DYTN: variants seen among roughly 807,000 people sequenced by gnomAD.
DYTN encodes dystrotelin.
Under a neutral mutation model 69.6 loss-of-function variants are expected in DYTN, and 75 were observed. That is an observed-to-expected ratio of 1.08 (90% CI 0.89 to 1.31). DYTN has a LOEUF of 1.31. Ranked by LOEUF, DYTN falls within the 50% of genes most tolerant of loss-of-function variation. The pLI is 0.00. For synonymous variants in DYTN, 252 were observed against 249.1 expected, an observed-to-expected ratio of 1.01 and a Z score of -0.11; for missense variants, 726 against 688.4, an observed-to-expected ratio of 1.05 and a Z score of -0.61.
chr2:206,660,523 C>T (rs923828457), intron 11 of DYTN, among the ~76,000 whole-genome samples: 10 of 152,172 alleles, frequency 6.6e-5, no homozygotes, highest in South Asian at 2.1e-4. Flanking sequence ...AACATGAATA[C>T]GCTAAAGACT....
intron 9 of DYTN, among the ~76,000 whole-genome samples, chr2:206,675,945 G>C (rs1349596913): frequency 1.3e-5 from 2 of 152,184 alleles, no homozygotes; most frequent in Non-Finnish European, 2.9e-5. Context: ...TGCTGGTGAG[G>C]TTGTGGAGAA....
chr2:206,652,178 T>C (rs1164581688), intron 11 of DYTN, among the ~76,000 whole-genome samples: 1 of 152,200 alleles, frequency 6.6e-6, no homozygotes, highest in African/African-American at 2.4e-5. Context: ...GAAAGCCCAC[T>C]ATTGAGCAGT....
At chr2:206,663,714 G>C (rs1318874609) in intron 10 of DYTN, among the ~76,000 whole-genome samples, 1 of 152,148 alleles carries the variant, frequency 6.6e-6, no homozygotes, top group Non-Finnish European at 1.5e-5. Context: ...AGCATATGTT[G>C]AATTGACAGA....
intron 9 of DYTN, among the ~76,000 whole-genome samples, chr2:206,678,618 T>C (rs1699717296): frequency 6.6e-6 from 1 of 152,216 alleles, no homozygotes; most frequent in African/African-American, 2.4e-5. Flanking sequence ...TTAAGATGTT[T>C]TTTGAAGAAT....
At chr2:206,675,799 G>A (rs1699680518) in intron 9 of DYTN, among the ~76,000 whole-genome samples, 1 of 152,158 alleles carries the variant, frequency 6.6e-6, no homozygotes, top group South Asian at 2.1e-4. Context: ...CTCAAAAGAA[G>A]ACATTTATGT....
In DYTN at chr2:206,701,861, C is replaced by T. The variant is rs565692928; in HGVS notation, c.484-1645G>A. ...TAATTTGATTGTGTTAATCTTTATGCAGTGTATATCTATCTCAAAACATCA... is the reference window on the plus strand; with the variant it reads ...TAATTTGATTGTGTTAATCTTTATGTAGTGTATATCTATCTCAAAACATCA... On this transcript the variant is annotated intron_variant, in intron 5 of 11. Coordinates refer to ENST00000452335, the MANE Select transcript of DYTN (RefSeq NM_001093730.1). Among the ~76,000 whole-genome samples, 65 of 152,256 alleles carry T rather than the reference C, an allele frequency of 4.3e-4. 1 individual carries two copies. In the South Asian group the frequency reaches 0.013, roughly 32 times the overall value.
chr2:206,662,897 C>T lies in DYTN; in HGVS notation c.1633+6G>A, dbSNP rs1373446602. The stretch of plus-strand genomic sequence containing the variant: ...TCACGATGTCTATGGATTGTGAAAA[C>T]CTTACCTGATGGCGTTTCTAGATTG... On this transcript the variant is annotated splice_donor_region_variant and intron_variant, in intron 11 of 11. Transcript: ENST00000452335. The T allele has an allele frequency of 6.2e-7, 1 of 1,608,502 alleles. No individual in the cohort carries two copies. Among genetic ancestry groups the T allele is most frequent in the Non-Finnish European group, 8.5e-7 (1 of 1,177,874 alleles).
At chr2:206,664,484 C>T (rs1699546050) in intron 10 of DYTN, among the ~76,000 whole-genome samples, 1 of 151,894 alleles carries the variant, frequency 6.6e-6, no homozygotes, top group Non-Finnish European at 1.5e-5. Context: ...TAGTGAGACC[C>T]CCTCCCTACA....
chr2:206,658,503 G>A (rs1699473255), intron 11 of DYTN, among the ~76,000 whole-genome samples: 1 of 151,752 alleles, frequency 6.6e-6, no homozygotes, highest in African/African-American at 2.4e-5. Context: ...GAGATTCTCG[G>A]GGGCTGTTCA....
chr2:206,714,081 C>G (rs182545547), intron 1 of DYTN, among the ~76,000 whole-genome samples: 3 of 152,210 alleles, frequency 2.0e-5, no homozygotes, highest in Non-Finnish European at 2.9e-5. Context: ...CTCGTTCTTG[C>G]AGCAAGGGGA....
chr2:206,713,728 A>G (rs906262204), intron 1 of DYTN, among the ~76,000 whole-genome samples: 1 of 152,212 alleles, frequency 6.6e-6, no homozygotes, highest in African/African-American at 2.4e-5. Context: ...TTCCGGTGAT[A>G]ACAAATTCCA....
intron 11 of DYTN, among the ~76,000 whole-genome samples, chr2:206,652,302 T>C (rs1346769600): frequency 6.6e-6 from 1 of 152,184 alleles, no homozygotes; most frequent in African/African-American, 2.4e-5. Context: ...TGAGCATTTA[T>C]ATTTATTGTT....
rs190252373 is a variant in DYTN at position 206,669,023 on chromosome 2, A to G, written c.981-2994T>C. On this transcript the variant is annotated intron_variant, in intron 9 of 11. Coordinates refer to ENST00000452335, the MANE Select transcript of DYTN (RefSeq NM_001093730.1). ...TGAGTCAATTAAACCTGTTTGCTTT[A>G]TAAATTACCCAGTCTCAGGCGTTTC... Among the ~76,000 whole-genome samples the G allele has an allele frequency of 4.8e-4, 73 of 152,362 alleles. 1 individual carries two copies. The highest frequency in any genetic ancestry group is 4.1e-3 in the Admixed American group (62 of 15,302).
chr2:206,658,632 C>A (rs1699474236), intron 11 of DYTN, among the ~76,000 whole-genome samples: 1 of 152,058 alleles, frequency 6.6e-6, no homozygotes, highest in African/African-American at 2.4e-5. Flanking sequence ...CCTTGGACAG[C>A]CCCCAGAAGA....
chr2:206,717,167 C>T (rs1700138160), intron 1 of DYTN, among the ~76,000 whole-genome samples: 1 of 152,068 alleles, frequency 6.6e-6, no homozygotes, highest in Admixed American at 6.5e-5. Flanking sequence ...GAAATAGTAA[C>T]ACAAGCTACA....
In DYTN at chr2:206,707,463, C is replaced by G; in HGVS notation, c.135G>C (p.Leu45=). 6.2e-7 allele frequency: 1 copy of G among 1,612,216 alleles called. No homozygotes were observed. Among genetic ancestry groups the G allele is most frequent in the Non-Finnish European group, 8.5e-7 (1 of 1,179,284 alleles). ...IDSSLIQQVL[L]RPSFWEARKH... ...TGCGAGCTTCCCAGAAACTTGGACG[C>G]AGTAGGACCTGCTGAATCAGGGAGC... The change falls in exon 3 of 12, where the codon CTG becomes CTC. Residue 45 remains leucine, a synonymous_variant. Coordinates refer to ENST00000452335, the MANE Select transcript of DYTN (RefSeq NM_001093730.1).
chr2:206,696,932 T>G (rs1699925046), intron 7 of DYTN, among the ~76,000 whole-genome samples: 1 of 152,190 alleles, frequency 6.6e-6, no homozygotes, highest in Admixed American at 6.5e-5. Context: ...ATGACTTAGT[T>G]TCTTCAACTA....
chr2:206,710,373 C>T (rs1700068776), intron 2 of DYTN, 151 bp downstream of exon 2: 2 of 644,404 alleles, frequency 3.1e-6, no homozygotes, highest in African/African-American at 1.9e-5. Flanking sequence ...CATCCTCCAT[C>T]TTCTCTGTCA....
chr2:206,672,256 A>G (rs1699637484), intron 9 of DYTN, among the ~76,000 whole-genome samples: 1 of 152,212 alleles, frequency 6.6e-6, no homozygotes, highest in Admixed American at 6.5e-5. Flanking sequence ...AAAATATGTT[A>G]TATACCTAAG....
Sources: gnomAD v4.1 joint callset for allele counts (sites outside exome capture counted in the v4.1 genomes callset) on GRCh38, gnomAD v4.1.1 for gene constraint, MANE v1.5 for transcripts, NCBI Gene and HGNC (gene_info 2026-07-23, HGNC 2026-07-21) for gene names.